LRIG3: variants seen among roughly 807,000 people sequenced by gnomAD.
The protein encoded by LRIG3 is leucine-rich repeats and immunoglobulin-like domains protein 3.
Under a neutral mutation model 114.5 loss-of-function variants are expected in LRIG3, and 76 were observed. That is an observed-to-expected ratio of 0.66 (90% confidence interval 0.55 to 0.80). LRIG3 has a LOEUF of 0.80. Among genes scored for constraint, LRIG3 ranks in the 30% least tolerant of loss-of-function variants. LRIG3 has a pLI of 0.00. For synonymous variants in LRIG3, 512 were observed against 519.8 expected, an observed-to-expected ratio of 0.98 and a Z score of 0.20; for missense variants, 1,239 against 1,382.8, an observed-to-expected ratio of 0.90 and a Z score of 1.65.
chr12:58,909,097 A>G (rs1872176353), intron 3 of LRIG3, among the ~76,000 whole-genome samples: 4 of 152,138 alleles, frequency 2.6e-5, no homozygotes, highest in Admixed American at 2.6e-4. Context: ...GCCTTTCTCT[A>G]CATCCCCATT....
At chr12:58,887,353 GGT>G (rs1871309926) in intron 8 of LRIG3, among the ~76,000 whole-genome samples, 1 of 152,118 alleles carries the variant, frequency 6.6e-6, no homozygotes, top group South Asian at 2.1e-4. Context: ...ATTTTTCAAA[GGT>G]CAATTAATTT....
chr12:58,903,065 T>C (rs1871926054), intron 3 of LRIG3, among the ~76,000 whole-genome samples: 1 of 152,220 alleles, frequency 6.6e-6, no homozygotes, highest in Non-Finnish European at 1.5e-5. Flanking sequence ...GCATGATTTA[T>C]AGTCCTTTGG....
intron 11 of LRIG3, 115 bp from the exon 12 acceptor site, chr12:58,883,147 C>T: frequency 1.0e-6 from 1 of 962,332 alleles, no homozygotes; most frequent in Non-Finnish European, 1.5e-6. Context: ...ATACACACAT[C>T]CCATGGAATA....
chr12:58,890,435 C>T (rs1871418721), intron 4 of LRIG3, among the ~76,000 whole-genome samples: 1 of 151,952 alleles, frequency 6.6e-6, no homozygotes, highest in South Asian at 2.1e-4. Flanking sequence ...AAAATGAGCA[C>T]TTTTCACACC....
At position 58,877,419 on chromosome 12, in the gene LRIG3, A is replaced by G. The variant is rs374721419; in HGVS notation, c.2517T>C (p.Asp839=). ...ACACACCTGTGTTGGTAATGCTGCA[A>G]TCTTCATTCCTCCGCCTTGTGTGGT... ...IIYHTRRRNE[D]CSITNTDETN... The change falls in exon 15 of 19, where the codon GAT becomes GAC. Residue 839 remains aspartate, a synonymous_variant. Coordinates refer to ENST00000320743, the MANE Select transcript of LRIG3 (RefSeq NM_153377.5). The G allele has an allele frequency of 6.2e-7, 1 of 1,613,806 alleles. No homozygotes were observed. Among genetic ancestry groups the G allele is most frequent in the Admixed American group, 1.7e-5 (1 of 60,002 alleles).
chr12:58,878,012 T>C (rs576374494), intron 14 of LRIG3, among the ~76,000 whole-genome samples, 160 bp from the exon 15 acceptor site: 1 of 152,338 alleles, frequency 6.6e-6, no homozygotes, highest in African/African-American at 2.4e-5. Flanking sequence ...CAACATTCAG[T>C]ATTTCACTAT....
At chr12:58,904,874 CT>C (rs1183915680) in intron 3 of LRIG3, among the ~76,000 whole-genome samples, 1 of 152,034 alleles carries the variant, frequency 6.6e-6, no homozygotes, top group East Asian at 1.9e-4. Flanking sequence ...GGGGAAACTT[CT>C]TTTAAAAGAA....
Position 58,880,851 on chromosome 12 carries a change from T to C in LRIG3, c.1531A>G (p.Ile511Val), listed in dbSNP as rs1461608223. 6.2e-7 allele frequency: 1 copy of C among 1,614,110 alleles called. No individual in the cohort carries two copies. Among genetic ancestry groups the C allele is most frequent in the African/African-American group, 1.3e-5 (1 of 75,046 alleles). ...ATGAAACTCAAATTGGAACCTTTTATTGCCGACTGTGTTTCTGGCTGAACC... is the reference window on the plus strand; with the variant it reads ...ATGAAACTCAAATTGGAACCTTTTACTGCCGACTGTGTTTCTGGCTGAACC... ...ITVQPETQSAIKGSNLSFICS... is the reference protein window; with the variant it reads ...ITVQPETQSAVKGSNLSFICS... Residue 511 changes from isoleucine to valine, a missense_variant, in exon 13 of 19, where the codon ATA becomes GTA. By Grantham distance (29) the Ile-to-Val change is conservative (BLOSUM62 3). Transcript: ENST00000320743.
At chr12:58,898,722 G>A (rs149682341) in intron 3 of LRIG3, among the ~76,000 whole-genome samples, 1,580 of 150,978 alleles carry the variant, frequency 0.01, 28 homozygotes, top group African/African-American at 0.035. Context: ...GCAGTGGCAC[G>A]ATCTCGGCTC....
intron 3 of LRIG3, 37 bp from the exon 4 acceptor site, chr12:58,890,833 G>T: frequency 6.4e-7 from 1 of 1,559,420 alleles, no homozygotes; most frequent in Non-Finnish European, 8.6e-7. Context: ...CAAGGTTAAC[G>T]GTACAACAAT....
chr12:58,885,933 A>T (rs1385210677), intron 9 of LRIG3, 31 bp from the exon 10 acceptor site: 1 of 1,493,920 alleles, frequency 6.7e-7, no homozygotes, highest in Non-Finnish European at 9.1e-7. Flanking sequence ...GGAGCACTTA[A>T]TTTAAAAAGC....
chr12:58,900,977 G>C (rs867839102), intron 3 of LRIG3, among the ~76,000 whole-genome samples: 2 of 152,114 alleles, frequency 1.3e-5, no homozygotes, highest in Admixed American at 6.5e-5. Flanking sequence ...CCGTGCTGTC[G>C]ACATTTGTAT....
Position 58,880,738 on chromosome 12 carries a change from A to G in LRIG3, c.1644T>C (p.Asn548=). Residue 548 remains asparagine, a synonymous_variant, in exon 13 of 19, where the codon AAT becomes AAC. Coordinates refer to ENST00000320743, the MANE Select transcript of LRIG3 (RefSeq NM_153377.5). ...NELLHDAEME[N]YAHLRAQGGE... ...CACCTTGGGCCCGGAGGTGTGCATA[A>G]TTTTCCATTTCAGCATCATGCAGTA... 6.2e-7 allele frequency: 1 copy of G among 1,614,166 alleles called. No homozygotes were observed. The highest frequency in any genetic ancestry group is 8.5e-7 in the Non-Finnish European group (1 of 1,180,030).
At chr12:58,900,801 A>G (rs1421355256) in intron 3 of LRIG3, among the ~76,000 whole-genome samples, 1 of 152,228 alleles carries the variant, frequency 6.6e-6, no homozygotes, top group Admixed American at 6.5e-5. Context: ...CAGAATGCAG[A>G]CACAGAATAG....
chr12:58,885,130 A>G (rs1344931654), intron 10 of LRIG3, among the ~76,000 whole-genome samples: 1 of 152,158 alleles, frequency 6.6e-6, no homozygotes, highest in East Asian at 1.9e-4. Flanking sequence ...TGATGCAGGG[A>G]CACTGTGCAA....
chr12:58,901,852 G>A (rs1396046099), intron 3 of LRIG3, among the ~76,000 whole-genome samples: 1 of 152,196 alleles, frequency 6.6e-6, no homozygotes, highest in Non-Finnish European at 1.5e-5. Flanking sequence ...TGCTCACCAA[G>A]AATGAGCTTT....
intron 3 of LRIG3, among the ~76,000 whole-genome samples, chr12:58,912,548 A>G (rs1872323808): frequency 6.6e-6 from 1 of 152,126 alleles, no homozygotes; most frequent in African/African-American, 2.4e-5. Context: ...TAACTTCCTC[A>G]CAAGTTCTTA....
chr12:58,881,991 G>A (rs564231459), intron 12 of LRIG3, among the ~76,000 whole-genome samples: 2 of 152,308 alleles, frequency 1.3e-5, no homozygotes, highest in Non-Finnish European at 2.9e-5. Flanking sequence ...ACAGATGAAT[G>A]CCAAAAGCTT....
At chr12:58,914,618 G>C in intron 1 of LRIG3, 1 of 323,488 alleles carries the variant, frequency 3.1e-6, no homozygotes, top group Non-Finnish European at 5.7e-6. Flanking sequence ...TGAACTGGCA[G>C]GTCTGCTTCA....
Sources: allele counts gnomAD v4.1 joint callset (sites outside exome capture counted in the v4.1 genomes callset), GRCh38; gene constraint gnomAD v4.1.1; transcripts MANE v1.5; gene names NCBI Gene and HGNC (gene_info 2026-07-23, HGNC 2026-07-21).